The following RCOR2 variants were observed in gnomAD, a reference collection of about 807,000 sequenced individuals.
RCOR2 encodes the protein REST corepressor 2.
Under a neutral mutation model 58.9 loss-of-function variants are expected in RCOR2, and 19 were observed. That is an observed-to-expected ratio of 0.32 (90% CI 0.23 to 0.47). The LOEUF (loss-of-function observed/expected upper bound fraction) is 0.47. Ranked by LOEUF, RCOR2 falls within the 20% of genes least tolerant of loss-of-function variation. RCOR2 has a pLI of 1.00. For missense variants in RCOR2, 590 were observed against 707.9 expected (o/e 0.83, Z 1.89); for synonymous variants, 286 against 278.7 (o/e 1.03, Z -0.26).
intron 3 of RCOR2, 88 bp downstream of exon 3, chr11:63,915,090 C>T: frequency 1.2e-5 from 18 of 1,512,454 alleles, no homozygotes; most frequent in Non-Finnish European, 1.5e-5. Flanking sequence ...CCCACGAACA[C>T]CTCAGCTTCC....
chr11:63,919,082 G>C (rs572079358), upstream of RCOR2, among the ~76,000 whole-genome samples: 1 of 152,190 alleles, frequency 6.6e-6, no homozygotes, highest in South Asian at 2.1e-4. Flanking sequence ...TTTATTCCTT[G>C]GGGCGGGGGT....
upstream of RCOR2, among the ~76,000 whole-genome samples, chr11:63,919,677 G>A (rs1015343240): frequency 3.3e-5 from 5 of 152,236 alleles, no homozygotes; most frequent in African/African-American, 1.2e-4. Flanking sequence ...AAGGAAGCTG[G>A]GCAGCGCGGC....
intron 3 of RCOR2, 37 bp from the exon 4 acceptor site, chr11:63,914,991 G>A (rs1941836257): frequency 1.2e-5 from 20 of 1,612,562 alleles, no homozygotes; most frequent in Non-Finnish European, 1.7e-5. Flanking sequence ...TGGTGAAGGG[G>A]GTTATAGCTC....
chr11:63,919,361 G>GC (rs1941901115), upstream of RCOR2, among the ~76,000 whole-genome samples: 1 of 152,090 alleles, frequency 6.6e-6, no homozygotes. Context: ...AGGACAAGGG[G>GC]CCCCGGCCGG....
At chr11:63,919,941 C>T (rs763959557), upstream of RCOR2, among the ~76,000 whole-genome samples, 20 of 152,256 alleles carry the variant, frequency 1.3e-4, no homozygotes, top group African/African-American at 4.8e-4. Flanking sequence ...CCTACACAGG[C>T]CTCCGCCAGA....
upstream of RCOR2, among the ~76,000 whole-genome samples, chr11:63,918,819 C>G (rs1941896275): frequency 6.6e-6 from 1 of 152,036 alleles, no homozygotes; most frequent in African/African-American, 2.4e-5. Flanking sequence ...TCCCCCATCC[C>G]CCTTGCCTCC....
chr11:63,920,558 C>CG (rs1354906590), upstream of RCOR2, among the ~76,000 whole-genome samples: 3 of 151,768 alleles, frequency 2.0e-5, no homozygotes, highest in African/African-American at 7.3e-5. Flanking sequence ...AGAGAGGCAG[C>CG]GGGAGGGCCC....
Position 63,916,854 on chromosome 11 carries a change from A to C in RCOR2, c.-398T>G. Reference sequence around the variant, plus strand: ...TTCAGCGGCTGGGCGCTGGAGCGCAATCTGCGCCCCCCGGGCTCTGCGCCT... The same window carrying C: ...TTCAGCGGCTGGGCGCTGGAGCGCACTCTGCGCCCCCCGGGCTCTGCGCCT... On this transcript the variant is annotated 5_prime_UTR_variant, in exon 1 of 12. Transcript: ENST00000301459. 3 of 173,370 alleles carry C rather than the reference A, an allele frequency of 1.7e-5. No individual in the cohort carries two copies. Among genetic ancestry groups the C allele is most frequent in the South Asian group, 1.4e-4 (1 of 7,152 alleles). The allele number at this position is 173,370 out of a possible 1,614,324, so 10.7% of individuals were successfully genotyped here. A position where few individuals can be genotyped will look rare whatever the true frequency, so the allele number is the denominator to read the frequency against.
In RCOR2 at chr11:63,911,849, T is replaced by G. The variant is rs1430842543; in HGVS notation, c.*16A>C. 3 of 1,466,394 alleles carry G rather than the reference T, an allele frequency of 2.0e-6. No individual in the cohort carries two copies. The highest frequency in any genetic ancestry group is 6.0e-5 in the Admixed American group (2 of 33,160). 90.8% of individuals were successfully genotyped at this position (1,466,394 alleles called of 1,614,324 possible). A position where few individuals can be genotyped will look rare whatever the true frequency, so the allele number is the denominator to read the frequency against. ...AAGGGGTCCTGGAGCCCGTGGTTGG[T>G]GGAGGACGTCAGGGCTCAGAGTGAG... On this transcript the variant is annotated 3_prime_UTR_variant, in exon 12 of 12. Coordinates refer to ENST00000301459, the MANE Select transcript of RCOR2 (RefSeq NM_173587.4).
the RCOR2 span, among the ~76,000 whole-genome samples, chr11:63,926,056 C>T: frequency 6.6e-6 from 1 of 152,000 alleles, no homozygotes; most frequent in Admixed American, 6.6e-5. Flanking sequence ...ATTACAGGCA[C>T]CCACCACCAT....
At chr11:63,915,422 C>T (rs540188938) in intron 2 of RCOR2, 133 bp downstream of exon 2, 3 of 1,163,090 alleles carry the variant, frequency 2.6e-6, no homozygotes, top group East Asian at 5.2e-5. Context: ...GAAAGCAAAC[C>T]ATGCTGGGGG....
intron 8 of RCOR2, 95 bp from the exon 9 acceptor site, chr11:63,913,042 C>CCGG (rs1941800461): frequency 9.7e-7 from 1 of 1,034,190 alleles, no homozygotes; most frequent in Admixed American, 2.4e-5. Flanking sequence ...GACACCAGCA[C>CCGG]CACTGCCCCG....
intron 6 of RCOR2, 30 bp downstream of exon 6, chr11:63,914,387 C>T: frequency 6.2e-7 from 1 of 1,613,376 alleles, no homozygotes; most frequent in Non-Finnish European, 8.5e-7. Flanking sequence ...TCTACCTACC[C>T]CCATGCCCAG....
chr11:63,917,370 G>C (rs1483978617), upstream of RCOR2, among the ~76,000 whole-genome samples: 1 of 152,096 alleles, frequency 6.6e-6, no homozygotes. Context: ...CGCGTCCCTG[G>C]GCTCCCAGAC....
At chr11:63,926,676 G>C in the RCOR2 span, among the ~76,000 whole-genome samples, 3 of 151,706 alleles carry the variant, frequency 2.0e-5, no homozygotes, top group Admixed American at 6.6e-5. Context: ...AGTGGAGATG[G>C]GATTTCATCA....
In RCOR2 at chr11:63,911,876, GT is replaced by G; in HGVS notation, c.1560del (p.Ser522HisfsTer5). 6.9e-7 allele frequency: 1 copy of G among 1,442,588 alleles called. No individual in the cohort carries two copies. Among genetic ancestry groups the G allele is most frequent in the Non-Finnish European group, 9.2e-7 (1 of 1,090,530 alleles). 89.4% of individuals were successfully genotyped at this position (1,442,588 alleles called of 1,614,324 possible). A position where few individuals can be genotyped will look rare whatever the true frequency, so the allele number is the denominator to read the frequency against. ...GAGGACGTCAGGGCTCAGAGTGAGG[GT>G]GCTGGGGGCTCCAGAGGGGTTCCAA... is the stretch of plus-strand genomic sequence containing the variant. ...TLIGTPLEPP[A>X]PSL On this transcript the variant is annotated frameshift_variant, in exon 12 of 12. Coordinates refer to ENST00000301459, the MANE Select transcript of RCOR2 (RefSeq NM_173587.4). LOFTEE classifies it high-confidence loss of function.
Position 63,911,721 on chromosome 11 carries a change from G to C in RCOR2, c.*144C>G. 3 of 1,282,466 alleles carry C rather than the reference G, an allele frequency of 2.3e-6. No homozygotes were observed. Among genetic ancestry groups the C allele is most frequent in the Admixed American group, 3.9e-5 (1 of 25,914 alleles). 79.4% of individuals were successfully genotyped at this position (1,282,466 alleles called of 1,614,324 possible). On this transcript the variant is annotated 3_prime_UTR_variant, in exon 12 of 12. Coordinates refer to ENST00000301459, the MANE Select transcript of RCOR2 (RefSeq NM_173587.4). The stretch of plus-strand genomic sequence containing the variant: ...CCAGGAACACATGCAGAACCCAAAG[G>C]GCGGGGCTGGGCTGTCCGAAACTCT...
At chr11:63,918,307 C>G (rs556111818), upstream of RCOR2, among the ~76,000 whole-genome samples, 1 of 152,340 alleles carries the variant, frequency 6.6e-6, no homozygotes, top group South Asian at 2.1e-4. Context: ...CCCCCACCCG[C>G]TGCCTGCGGC....
In RCOR2 at chr11:63,914,450, C is replaced by T. The variant is rs751111421; in HGVS notation, c.572G>A (p.Arg191Gln). The T allele has an allele frequency of 1.1e-5, 18 of 1,613,546 alleles. No individual in the cohort carries two copies. Among genetic ancestry groups the T allele is most frequent in the Middle Eastern group, 1.6e-4 (1 of 6,084 alleles). The stretch of plus-strand genomic sequence containing the variant: ...TTTGTCCTTGCGGCCCCCCAGCCGC[C>T]GGGCCTGTCTGTCCATCACACTAGT... ...SRTSVMDRQA[R>Q]RLGGRKDKED... The change falls in exon 6 of 12, where the codon CGG (arginine) becomes CAG (glutamine). Residue 191 changes from arginine to glutamine, a missense_variant. Physicochemically the swap from Arg to Gln is conservative, Grantham distance 43. This residue lies in a region of RCOR2 where 390 missense variants were observed against 478.7 expected (regional missense o/e 0.81). Coordinates refer to ENST00000301459, the MANE Select transcript of RCOR2 (RefSeq NM_173587.4).
Sources: allele counts gnomAD v4.1 joint callset (sites outside exome capture counted in the v4.1 genomes callset), GRCh38; gene constraint gnomAD v4.1.1; regional missense constraint gnomAD v4.1.1; transcripts MANE v1.5; gene names NCBI Gene and HGNC (gene_info 2026-07-23, HGNC 2026-07-21).